Variants in ITSN1 observed in about 807,000 individuals in gnomAD.
ITSN1 encodes the protein intersectin 1.
Under a neutral mutation model 239.8 loss-of-function variants are expected in ITSN1, and 58 were observed. The ratio of observed to expected loss-of-function variants is 0.24; its 90% confidence interval spans 0.20 to 0.30. The LOEUF is 0.30. Among genes scored for constraint, ITSN1 ranks in the 10% least tolerant of loss-of-function variants. The probability of loss-of-function intolerance (pLI) is 1.00; values close to 1 mark genes in which losing one functional copy is unlikely to be tolerated. For missense variants in ITSN1, 1,558 were observed against 2,103.3 expected (o/e 0.74, Z 5.07); for synonymous variants, 780 against 770.8 (o/e 1.01, Z -0.20).
intron 34 of ITSN1, among the ~76,000 whole-genome samples, chr21:33,876,736 TAAA>T (rs1397921089): frequency 2.0e-5 from 3 of 152,068 alleles, no homozygotes; most frequent in Non-Finnish European, 4.4e-5. Flanking sequence ...TACAAAAAAA[TAAA>T]AAGTAAATTA....
At chr21:33,725,120 ATTTTTTTTTTTTGTTTTTT>A (rs1454707863) in intron 4 of ITSN1, among the ~76,000 whole-genome samples, 3 of 118,740 alleles carry the variant, frequency 2.5e-5, no homozygotes, top group Admixed American at 8.7e-5. Flanking sequence ...AAAAAAAAAA[ATTTTTTTTTTTTGTTTTTT>A]TTTTTTTTTT....
At chr21:33,823,190 A>T (rs1184954937) in intron 24 of ITSN1, among the ~76,000 whole-genome samples, 34 of 152,220 alleles carry the variant, frequency 2.2e-4, no homozygotes, top group Admixed American at 2.2e-3. Flanking sequence ...CATGATGCTA[A>T]ATGGTAGATC....
intron 16 of ITSN1, among the ~76,000 whole-genome samples, chr21:33,790,774 T>C (rs905793780): frequency 5.3e-5 from 8 of 152,242 alleles, no homozygotes; most frequent in Non-Finnish European, 2.9e-5. Flanking sequence ...ACTTTCAGTG[T>C]GGTGAAATTT....
intron 1 of ITSN1, among the ~76,000 whole-genome samples, chr21:33,682,600 C>G (rs2091029731): frequency 6.6e-6 from 1 of 152,198 alleles, no homozygotes; most frequent in Non-Finnish European, 1.5e-5. Context: ...ACCATCTTGG[C>G]TCACTGTAAC....
chr21:33,836,637 G>T lies in ITSN1; in HGVS notation c.3661+5G>T. 1 of 1,610,870 alleles carries T rather than the reference G, an allele frequency of 6.2e-7. No homozygotes were observed. Among genetic ancestry groups the T allele is most frequent in the Non-Finnish European group, 8.5e-7 (1 of 1,177,536 alleles). On this transcript the variant is annotated splice_donor_5th_base_variant and intron_variant, in intron 29 of 39. Coordinates refer to ENST00000381318, the MANE Select transcript of ITSN1 (RefSeq NM_003024.3). ...ACATGGACCCAAGCCAGCAATGTAA[G>T]TGCCCTGGTGGCTCTGTCGCCTCGC...
intron 29 of ITSN1, among the ~76,000 whole-genome samples, chr21:33,851,778 C>CTTTTTTTTTTT (rs35567402): frequency 1.4e-4 from 9 of 66,204 alleles, no homozygotes; most frequent in African/African-American, 2.6e-4. Context: ...CTTTTCTTTC[C>CTTTTTTTTTTT]TTTTTTTTTT....
At chr21:33,724,107 G>A (rs1238579409) in intron 4 of ITSN1, among the ~76,000 whole-genome samples, 1 of 151,848 alleles carries the variant, frequency 6.6e-6, no homozygotes, top group Admixed American at 6.6e-5. Context: ...TTGTGTGTGT[G>A]TGTGTGTGTA....
chr21:33,777,178 T>G (rs1332703146), intron 14 of ITSN1, among the ~76,000 whole-genome samples: 1 of 152,210 alleles, frequency 6.6e-6, no homozygotes, highest in Non-Finnish European at 1.5e-5. Flanking sequence ...GAGGTTTATA[T>G]TTTTACATAC....
intron 33 of ITSN1, 27 bp from the exon 34 acceptor site, chr21:33,875,327 G>A (rs774290878): frequency 1.9e-6 from 3 of 1,613,804 alleles, no homozygotes; most frequent in East Asian, 4.5e-5. Flanking sequence ...CCTAAAAGGA[G>A]GTGGTTGTTT....
At chr21:33,840,876 C>A (rs2074799445) in intron 29 of ITSN1, among the ~76,000 whole-genome samples, 1 of 152,194 alleles carries the variant, frequency 6.6e-6, no homozygotes. Context: ...TGCAAGTGAA[C>A]TTTGGGTACA....
At chr21:33,840,962 T>A (rs1478955008) in intron 29 of ITSN1, among the ~76,000 whole-genome samples, 1 of 152,032 alleles carries the variant, frequency 6.6e-6, no homozygotes. Context: ...ATCACTCTCC[T>A]CTGGCCGGCT....
intron 20 of ITSN1, among the ~76,000 whole-genome samples, chr21:33,806,639 C>G (rs777189364): frequency 1.3e-5 from 2 of 152,222 alleles, no homozygotes; most frequent in Non-Finnish European, 2.9e-5. Flanking sequence ...AGCTCTGTAA[C>G]ATAGTCCCAG....
intron 33 of ITSN1, among the ~76,000 whole-genome samples, chr21:33,871,289 T>G (rs1982671124): frequency 6.6e-6 from 1 of 152,046 alleles, no homozygotes; most frequent in African/African-American, 2.4e-5. Context: ...GGAAAGACAC[T>G]GAGAAAATGC....
In ITSN1 at chr21:33,895,375, T is replaced by C. The variant is rs961601062; in HGVS notation, c.*7075T>C. 6.6e-6 allele frequency: 1 copy of C among 152,524 alleles called. No homozygotes were observed. The highest frequency in any genetic ancestry group is 1.5e-5 in the Non-Finnish European group (1 of 68,292). The allele number at this position is 152,524 out of a possible 1,614,324, so 9.4% of individuals were successfully genotyped here. Reference sequence around the variant, plus strand: ...GGAATTTTAGGTGGAAGGGAATTTTTGTTGGTGGGACGCAGCAGCTCAGTG... The same window carrying C: ...GGAATTTTAGGTGGAAGGGAATTTTCGTTGGTGGGACGCAGCAGCTCAGTG... On this transcript the variant is annotated 3_prime_UTR_variant, in exon 40 of 40. Coordinates refer to ENST00000381318, the MANE Select transcript of ITSN1 (RefSeq NM_003024.3).
intron 29 of ITSN1, chr21:33,838,284 G>C: frequency 1.0e-6 from 1 of 985,390 alleles, no homozygotes; most frequent in Non-Finnish European, 1.2e-6. Context: ...TCCCGGCGCT[G>C]TCGGGAGGCT....
chr21:33,650,156 C>T (rs1463566437), intron 1 of ITSN1, among the ~76,000 whole-genome samples: 1 of 152,150 alleles, frequency 6.6e-6, no homozygotes, highest in Non-Finnish European at 1.5e-5. Flanking sequence ...AATGCTCTTG[C>T]TCCTCTGTTG....
intron 14 of ITSN1, among the ~76,000 whole-genome samples, chr21:33,780,954 C>T (rs1014481146): frequency 7.2e-5 from 11 of 152,268 alleles, no homozygotes; most frequent in Admixed American, 2.6e-4. Context: ...AAAATATATA[C>T]AGCAGCTAAG....
intron 16 of ITSN1, among the ~76,000 whole-genome samples, chr21:33,788,895 C>T (rs560669512): frequency 5.3e-5 from 8 of 152,184 alleles, no homozygotes; most frequent in Non-Finnish European, 8.8e-5. Flanking sequence ...AGGCTATGAT[C>T]GTGCCTGTGA....
chr21:33,808,474 A>T (rs141937353), intron 20 of ITSN1, among the ~76,000 whole-genome samples: 2,022 of 151,874 alleles, frequency 0.013, 48 homozygotes, highest in African/African-American at 0.046. Context: ...AATCCCAGCT[A>T]CTCAGGAGGC....
Sources: allele counts gnomAD v4.1 joint callset (sites outside exome capture counted in the v4.1 genomes callset), GRCh38; gene constraint gnomAD v4.1.1; transcripts MANE v1.5; gene names NCBI Gene and HGNC (gene_info 2026-07-23, HGNC 2026-07-21).